CCDC62: variants seen among roughly 807,000 people sequenced by gnomAD.
The protein encoded by CCDC62 is coiled-coil domain containing 62.
Under a neutral mutation model 80.8 loss-of-function variants are expected in CCDC62, and 72 were observed. The ratio of observed to expected loss-of-function variants is 0.89; its 90% CI spans 0.74 to 1.08. The LOEUF (loss-of-function observed/expected upper bound fraction) is 1.08. Ranked by LOEUF, CCDC62 falls within the 50% of genes least tolerant of loss-of-function variation. The pLI, the probability that CCDC62 is intolerant of heterozygous loss-of-function variation, is 0.00. For missense variants in CCDC62, 704 were observed against 809.4 expected, an observed-to-expected ratio of 0.87 and a Z score of 1.58; for synonymous variants, 286 against 296.5, an observed-to-expected ratio of 0.96 and a Z score of 0.36.
At chr12:122,823,560 C>A in intron 12 of CCDC62, 101 bp downstream of exon 12, 1 of 640,704 alleles carries the variant, frequency 1.6e-6, no homozygotes, top group Admixed American at 2.5e-5. Flanking sequence ...ATTTGTTTGA[C>A]TTGTAATACT....
intron 3 of CCDC62, among the ~76,000 whole-genome samples, chr12:122,783,549 A>G (rs1318550233): frequency 6.6e-6 from 1 of 152,024 alleles, no homozygotes; most frequent in Non-Finnish European, 1.5e-5. Flanking sequence ...TCTTAGTGAT[A>G]TTTCATATAC....
intron 3 of CCDC62, among the ~76,000 whole-genome samples, chr12:122,784,227 T>A (rs2030065267): frequency 1.3e-5 from 2 of 152,128 alleles, no homozygotes; most frequent in African/African-American, 2.4e-5. Flanking sequence ...TTTAAAAGTC[T>A]AAATAGGCTG....
chr12:122,794,047 G>A (rs2030792166), intron 6 of CCDC62, among the ~76,000 whole-genome samples: 1 of 152,140 alleles, frequency 6.6e-6, no homozygotes, highest in Non-Finnish European at 1.5e-5. Flanking sequence ...TGCATAAAAT[G>A]CTATGGGAGG....
chr12:122,812,089 T>C (rs2031917189), intron 10 of CCDC62, among the ~76,000 whole-genome samples: 1 of 152,110 alleles, frequency 6.6e-6, no homozygotes, highest in South Asian at 2.1e-4. Context: ...CGCATGGGTG[T>C]TACTTCATTA....
At chr12:122,811,821 C>CAAAAAAAAAA (rs67025764) in intron 10 of CCDC62, among the ~76,000 whole-genome samples, 3 of 34,648 alleles carry the variant, frequency 8.7e-5, no homozygotes, top group African/African-American at 1.0e-4. Context: ...ACTCCATCTG[C>CAAAAAAAAAA]AAAAAAAAAA....
rs1331092374 is a variant in CCDC62 at position 122,788,857 on chromosome 12, T to A, written c.598T>A (p.Cys200Ser). ...ACGTGATGCCAAGATGGCGGAGACT[T>A]GTATTGTGAAAGAAAAGCAAGATTA... ...ALRDAKMAET[C>S]IVKEKQDYKQ... The change falls in exon 5 of 13, where the codon TGT (cysteine) becomes AGT (serine). Residue 200 changes from cysteine to serine, a missense_variant. Coordinates refer to ENST00000253079, the MANE Select transcript of CCDC62 (RefSeq NM_201435.5). The A allele has an allele frequency of 6.2e-7, 1 of 1,611,314 alleles. No individual in the cohort carries two copies. Among genetic ancestry groups the A allele is most frequent in the Non-Finnish European group, 8.5e-7 (1 of 1,179,478 alleles).
intron 11 of CCDC62, among the ~76,000 whole-genome samples, chr12:122,816,241 C>G (rs2032158521): frequency 6.6e-6 from 1 of 152,168 alleles, no homozygotes; most frequent in Non-Finnish European, 1.5e-5. Context: ...CACAAGCTGT[C>G]TCTGAGGCAT....
Position 122,788,849 on chromosome 12 carries a change from C to T in CCDC62, c.590C>T (p.Ala197Val), listed in dbSNP as rs1215823006. 7 of 1,610,838 alleles carry T rather than the reference C, an allele frequency of 4.3e-6. No individual in the cohort carries two copies. The highest frequency in any genetic ancestry group is 1.6e-4 in the Middle Eastern group (1 of 6,078). The change falls in exon 5 of 13, where the codon GCG (alanine) becomes GTG (valine). Residue 197 changes from alanine (A) to valine (V), a missense_variant. Ala to Val is a moderately conservative substitution (Grantham distance 64). Transcript: ENST00000253079. ...CATGCCCTACGTGATGCCAAGATGG[C>T]GGAGACTTGTATTGTGAAAGAAAAG... is the stretch of plus-strand genomic sequence containing the variant. Reference protein sequence around the residue: ...LEHALRDAKMAETCIVKEKQD... With the variant: ...LEHALRDAKMVETCIVKEKQD...
chr12:122,792,175 T>A, intron 6 of CCDC62, 54 bp downstream of exon 6: 1 of 1,085,414 alleles, frequency 9.2e-7, no homozygotes, highest in Non-Finnish European at 1.4e-6. Context: ...GATGACAGGC[T>A]GAAGGAATTA....
At chr12:122,791,956 G>A in intron 5 of CCDC62, 64 bp from the exon 6 acceptor site, 3 of 1,042,250 alleles carry the variant, frequency 2.9e-6, no homozygotes, top group South Asian at 2.5e-5. Context: ...GTTAGGCATA[G>A]TGTGTATATG....
chr12:122,781,130 G>A, intron 2 of CCDC62, 34 bp from the exon 3 acceptor site: 1 of 1,565,062 alleles, frequency 6.4e-7, no homozygotes, highest in Non-Finnish European at 8.7e-7. Context: ...TAAGCTGAAG[G>A]TGTGACTACA....
intron 5 of CCDC62, 41 bp from the exon 6 acceptor site, chr12:122,791,979 T>C (rs777017945): frequency 7.4e-7 from 1 of 1,345,806 alleles, no homozygotes; most frequent in Non-Finnish European, 1.1e-6. Context: ...GACTGGAACC[T>C]AGTATTTATT....
Position 122,820,704 on chromosome 12 carries a change from C to T in CCDC62, c.2002-2662C>T, listed in dbSNP as rs187956771. On this transcript the variant is annotated intron_variant, in intron 11 of 12. Coordinates refer to ENST00000253079, the MANE Select transcript of CCDC62 (RefSeq NM_201435.5). Reference sequence around the variant, plus strand: ...ACTAAAAATACAAAAATTACCCGGGCATGGTGGCGTGCCGTAATCCCAGCT... The same window carrying T: ...ACTAAAAATACAAAAATTACCCGGGTATGGTGGCGTGCCGTAATCCCAGCT... 2.7e-3 allele frequency among the ~76,000 whole-genome samples: 406 copies of T among 151,838 alleles called. 2 individuals are homozygous for T. The highest frequency in any genetic ancestry group is 4.5e-3 in the Non-Finnish European group (304 of 67,934).
chr12:122,817,552 G>A (rs1338837492), intron 11 of CCDC62, among the ~76,000 whole-genome samples: 1 of 150,618 alleles, frequency 6.6e-6, no homozygotes, highest in African/African-American at 2.4e-5. Flanking sequence ...TCAAACTCCT[G>A]ACCTCAAGTG....
At chr12:122,777,424 A>C (rs1879532103) in intron 1 of CCDC62, 67 bp from the exon 2 acceptor site, 1 of 1,394,156 alleles carries the variant, frequency 7.2e-7, no homozygotes, top group African/African-American at 1.4e-5. Context: ...TTATTTGGAA[A>C]ATGGACTTTG....
intron 10 of CCDC62, among the ~76,000 whole-genome samples, chr12:122,812,805 AAGAAAG>A (rs1555258019): frequency 4.7e-5 from 7 of 148,698 alleles, no homozygotes; most frequent in Non-Finnish European, 1.0e-4. Flanking sequence ...GAAAGAAAGA[AAGAAAG>A]AAAGAAAGAA....
intron 12 of CCDC62, among the ~76,000 whole-genome samples, chr12:122,825,755 G>A (rs1163362576): frequency 6.6e-6 from 1 of 150,598 alleles, no homozygotes; most frequent in African/African-American, 2.4e-5. Flanking sequence ...GGAGGCCGAG[G>A]TGGGCGGATC....
In CCDC62 at chr12:122,825,831, C is replaced by CAA. The variant is rs2032601371; in HGVS notation, c.*41-591_*41-590insAA. Among the ~76,000 whole-genome samples the CAA allele has an allele frequency of 1.4e-3, 56 of 39,910 alleles. 1 individual carries two copies. In the Admixed American group the frequency reaches 0.023, roughly 16 times the overall value. The allele number at this position is 39,910 out of a possible 152,430, so 26.2% of individuals were successfully genotyped here. A position where few individuals can be genotyped will look rare whatever the true frequency, so the allele number is the denominator to read the frequency against. Reference sequence around the variant, plus strand: ...CGAAACCCCGTCTCTACTAAAAATACCAAAAAAAAAAATTAGCCGGGCATG... The same window carrying CAA: ...CGAAACCCCGTCTCTACTAAAAATACAACAAAAAAAAAAATTAGCCGGGCATG... On this transcript the variant is annotated intron_variant, in intron 12 of 12. Coordinates refer to ENST00000253079, the MANE Select transcript of CCDC62 (RefSeq NM_201435.5).
At chr12:122,778,171 G>A (rs898018216) in intron 2 of CCDC62, among the ~76,000 whole-genome samples, 3 of 151,850 alleles carry the variant, frequency 2.0e-5, no homozygotes, top group Non-Finnish European at 4.4e-5. Context: ...TGGCCAACAT[G>A]GTGAAACCCC....
Sources: gnomAD v4.1 joint callset for allele counts (sites outside exome capture counted in the v4.1 genomes callset) on GRCh38, gnomAD v4.1.1 for gene constraint, MANE v1.5 for transcripts, NCBI Gene and HGNC (gene_info 2026-07-23, HGNC 2026-07-21) for gene names.